Variants in PTPRC observed in about 807,000 individuals in gnomAD.
PTPRC encodes receptor-type tyrosine-protein phosphatase C.
Under a neutral mutation model 155.9 loss-of-function variants are expected in PTPRC, and 44 were observed. The ratio of observed to expected loss-of-function variants is 0.28; its 90% confidence interval spans 0.22 to 0.36. The LOEUF (loss-of-function observed/expected upper bound fraction) is 0.36. PTPRC is among the 10% of genes least tolerant of loss of function. PTPRC has a pLI of 1.00. For missense variants in PTPRC, 1,401 were observed against 1,564.6 expected (o/e 0.90, Z 1.76); for synonymous variants, 525 against 533.1 (o/e 0.98, Z 0.21).
rs183582293 is a variant in PTPRC, at chr1:198,684,807, T to A, written c.74-7540T>A. Among the ~76,000 whole-genome samples, 284 of 152,184 alleles carry A rather than the reference T, an allele frequency of 1.9e-3. 2 individuals carry two copies. The highest frequency in any genetic ancestry group is 2.1e-3 in the Non-Finnish European group (144 of 67,904). ...TGAAAATATGAATTGTAGTTGGTTA[T>A]CCTCTCTTTTGCTCCTTGCATTGCC... On this transcript the variant is annotated intron_variant, in intron 2 of 32. Coordinates refer to ENST00000442510, the MANE Select transcript of PTPRC (RefSeq NM_002838.5).
intron 15 of PTPRC, among the ~76,000 whole-genome samples, chr1:198,722,877 C>T (rs1215781026): frequency 6.6e-6 from 1 of 151,604 alleles, no homozygotes; most frequent in Admixed American, 6.6e-5. Flanking sequence ...TCTTGATTTA[C>T]TTAATGGAAG....
intron 2 of PTPRC, among the ~76,000 whole-genome samples, chr1:198,651,394 AGTT>A (rs1053157070): frequency 3.3e-5 from 5 of 151,598 alleles, no homozygotes; most frequent in Non-Finnish European, 5.9e-5. Flanking sequence ...TTTAAAAAGT[AGTT>A]GTTATCAATG....
At chr1:198,657,329 C>T (rs1663651083) in intron 2 of PTPRC, among the ~76,000 whole-genome samples, 1 of 149,738 alleles carries the variant, frequency 6.7e-6, no homozygotes, top group African/African-American at 2.5e-5. Context: ...CCATTTTATT[C>T]CTTTAAAAAA....
chr1:198,693,911 T>C (rs1666062418), intron 3 of PTPRC: 1 of 1,326,042 alleles, frequency 7.5e-7, no homozygotes, highest in South Asian at 1.7e-5. Context: ...CGTGGTACTA[T>C]GTATTAGTCT....
chr1:198,735,282 T>C, intron 23 of PTPRC, 30 bp downstream of exon 23: 4 of 1,524,376 alleles, frequency 2.6e-6, no homozygotes, highest in Non-Finnish European at 3.6e-6. Context: ...AATTTTTGTT[T>C]TGATACTTTT....
In PTPRC at chr1:198,704,088, T is replaced by C. The variant is rs377514629; in HGVS notation, c.659-384T>C. Among the ~76,000 whole-genome samples the C allele has an allele frequency of 3.9e-5, 6 of 152,304 alleles. No homozygotes were observed. In the East Asian group the frequency reaches 9.6e-4, roughly 24 times the overall value. ...CTTTTTTTTATGTAAATGAAAAGTA[T>C]AAACTTCGTACTATGGGGGTTATAA... On this transcript the variant is annotated intron_variant, in intron 7 of 32. Coordinates refer to ENST00000442510, the MANE Select transcript of PTPRC (RefSeq NM_002838.5).
At chr1:198,753,311 T>TAATA (rs1183384950) in intron 31 of PTPRC, among the ~76,000 whole-genome samples, 1 of 152,052 alleles carries the variant, frequency 6.6e-6, no homozygotes, top group Non-Finnish European at 1.5e-5. Flanking sequence ...GTAATATCAA[T>TAATA]AATACTACTA....
intron 11 of PTPRC, 26 bp from the exon 12 acceptor site, chr1:198,712,927 A>T: frequency 6.3e-7 from 1 of 1,599,350 alleles, no homozygotes; most frequent in Non-Finnish European, 8.6e-7. Flanking sequence ...TTTTCATATT[A>T]CATAACATTC....
chr1:198,743,427 A>T (rs1655003678), intron 25 of PTPRC, among the ~76,000 whole-genome samples: 1 of 151,926 alleles, frequency 6.6e-6, no homozygotes, highest in East Asian at 1.9e-4. Context: ...AGTGGAAAAT[A>T]AAGTACAGTG....
chr1:198,728,358 T>C lies in PTPRC; in HGVS notation c.1739T>C (p.Ile580Thr). Residue 580 changes from isoleucine to threonine, a missense_variant, in exon 16 of 33, where the codon ATA (isoleucine) becomes ACA (threonine). Physicochemically the swap from Ile to Thr is moderately conservative, Grantham distance 89. Coordinates refer to ENST00000442510, the MANE Select transcript of PTPRC (RefSeq NM_002838.5). ...HSTSYNSKAL[I>T]AFLAFLIIVT... is the part of the protein sequence containing the mutation. ...TTTCTAGATAATTCTAAGGCACTGA[T>C]AGCATTTCTGGCATTTCTGATTATT... 1 of 1,612,886 alleles carries C rather than the reference T, an allele frequency of 6.2e-7. No individual in the cohort carries two copies. Among genetic ancestry groups the C allele is most frequent in the Non-Finnish European group, 8.5e-7 (1 of 1,179,438 alleles).
intron 17 of PTPRC, among the ~76,000 whole-genome samples, chr1:198,730,785 C>T (rs1247512336): frequency 6.6e-6 from 1 of 152,046 alleles, no homozygotes; most frequent in Non-Finnish European, 1.5e-5. Context: ...AACAATTGCA[C>T]ATAGCCAGTT....
Position 198,704,502 on chromosome 1 carries a change from A to G in PTPRC, c.685+4A>G. 1.2e-6 allele frequency: 2 copies of G among 1,614,072 alleles called. No homozygotes were observed. The highest frequency in any genetic ancestry group is 1.7e-6 in the Non-Finnish European group (2 of 1,179,970). On this transcript the variant is annotated splice_donor_region_variant and intron_variant, in intron 8 of 32. Transcript: ENST00000442510. ...ACTCCATCTAAGCCAACATGTGGTA[A>G]GTTTATTTACTTAGAATCAGCATAC... is the stretch of plus-strand genomic sequence containing the variant.
chr1:198,753,385 T>C (rs1571897292), intron 31 of PTPRC, among the ~76,000 whole-genome samples: 1 of 151,762 alleles, frequency 6.6e-6, no homozygotes, highest in South Asian at 2.1e-4. Context: ...AGCAATATAA[T>C]TGAAAGAAAG....
At chr1:198,689,156 A>G (rs1487653955) in intron 2 of PTPRC, among the ~76,000 whole-genome samples, 1 of 148,092 alleles carries the variant, frequency 6.8e-6, no homozygotes, top group African/African-American at 2.5e-5. Flanking sequence ...CAGAAGTTAG[A>G]TTAAAATAAT....
rs771987218 is a variant in PTPRC at position 198,696,881 on chromosome 1, G to T, written c.270G>T (p.Leu90Phe). 1.2e-6 allele frequency: 2 copies of T among 1,613,952 alleles called. No individual in the cohort carries two copies. The highest frequency in any genetic ancestry group is 2.2e-5 in the South Asian group (2 of 91,078). ...NTSTQVSPDS[L>F]DNASAFNTTG... ...CCACCCAAGTATCCCCGGACTCTTT[G>T]GATAATGCTAGTGCTTTTAATACCA... The change falls in exon 4 of 33, where the codon TTG becomes TTT. Residue 90 changes from leucine to phenylalanine, a missense_variant. Physicochemically the swap from Leu to Phe is conservative, Grantham distance 22 (BLOSUM62 0). Coordinates refer to ENST00000442510, the MANE Select transcript of PTPRC (RefSeq NM_002838.5).
At chr1:198,638,837 A>G (rs1457814835), upstream of PTPRC, 1 of 160,754 alleles carries the variant, frequency 6.2e-6, no homozygotes, top group Non-Finnish European at 1.4e-5. Context: ...AAAAAATGGT[A>G]ATGGATACTG....
chr1:198,638,722 T>C (rs531211201), upstream of PTPRC: 1 of 154,196 alleles, frequency 6.5e-6, no homozygotes, highest in African/African-American at 2.4e-5. Flanking sequence ...TGATACTTTC[T>C]ACTAAGTCAT....
chr1:198,649,535 C>A (rs112802028), intron 2 of PTPRC, among the ~76,000 whole-genome samples: 214 of 151,944 alleles, frequency 1.4e-3, no homozygotes, highest in Non-Finnish European at 2.2e-3. Context: ...ACAATCGCTA[C>A]TTTTAAAGTA....
chr1:198,704,694 G>T (rs941663685), intron 8 of PTPRC, among the ~76,000 whole-genome samples, 196 bp downstream of exon 8: 1 of 152,170 alleles, frequency 6.6e-6, no homozygotes, highest in Non-Finnish European at 1.5e-5. Flanking sequence ...TAGACACTGG[G>T]AAATACAAGA....
Sources: gnomAD v4.1 joint callset for allele counts (sites outside exome capture counted in the v4.1 genomes callset) on GRCh38, gnomAD v4.1.1 for gene constraint, MANE v1.5 for transcripts, NCBI Gene and HGNC (gene_info 2026-07-23, HGNC 2026-07-21) for gene names.